The following LRRIQ3 variants were observed in gnomAD, a reference collection of about 807,000 sequenced individuals.
The protein encoded by LRRIQ3 is leucine-rich repeat and IQ domain-containing protein 3.
In LRRIQ3, 75 loss-of-function variants were observed where a neutral mutation model predicts 59.3. The observed-to-expected ratio is 1.26, with a 90% CI of 1.05 to 1.53. The LOEUF is 1.53. LRRIQ3 is among the 40% of genes most tolerant of loss of function. The pLI is 0.00. For synonymous variants in LRRIQ3, 250 were observed against 231.3 expected (o/e 1.08, Z -0.73); for missense variants, 831 against 710.0 (o/e 1.17, Z -1.94).
intron 5 of LRRIQ3, among the ~76,000 whole-genome samples, chr1:74,088,712 C>T (rs532594835): frequency 5.5e-4 from 83 of 151,566 alleles, no homozygotes; most frequent in Non-Finnish European, 9.4e-4. Flanking sequence ...ATACTATAAA[C>T]GCTTAGAAGA....
intron 4 of LRRIQ3, among the ~76,000 whole-genome samples, chr1:74,133,496 A>C (rs547255451): frequency 5.8e-4 from 89 of 152,214 alleles, no homozygotes; most frequent in African/African-American, 2.0e-3. Flanking sequence ...GATTAAGAAA[A>C]TGTGGCACAT....
intron 5 of LRRIQ3, chr1:74,108,855 C>A: frequency 5.5e-6 from 2 of 366,512 alleles, no homozygotes; most frequent in East Asian, 1.0e-4. Flanking sequence ...TCTTAGTTTT[C>A]ATATTGGTCA....
intron 3 of LRRIQ3, among the ~76,000 whole-genome samples, chr1:74,170,068 T>G (rs958647495): frequency 2.0e-5 from 3 of 152,192 alleles, no homozygotes; most frequent in African/African-American, 7.2e-5. Context: ...TTATATAATT[T>G]AGAAATTTAC....
chr1:74,038,469 C>T (rs1653942595), intron 7 of LRRIQ3, among the ~76,000 whole-genome samples: 2 of 152,206 alleles, frequency 1.3e-5, no homozygotes, highest in African/African-American at 4.8e-5. Flanking sequence ...GGTCAAAGTG[C>T]TTCGCTAAAC....
chr1:74,168,898 T>C (rs1035652964), intron 3 of LRRIQ3, among the ~76,000 whole-genome samples: 2 of 152,146 alleles, frequency 1.3e-5, no homozygotes, highest in African/African-American at 4.8e-5. Flanking sequence ...TCTTGTGTCA[T>C]TTTTATTTTC....
intron 6 of LRRIQ3, among the ~76,000 whole-genome samples, chr1:74,045,301 T>C (rs974654816): frequency 2.6e-5 from 4 of 152,162 alleles, no homozygotes; most frequent in African/African-American, 9.7e-5. Context: ...GCAAGCCTTG[T>C]TCAACATATG....
At chr1:74,145,268 G>T (rs1375608591) in intron 4 of LRRIQ3, among the ~76,000 whole-genome samples, 3 of 152,044 alleles carry the variant, frequency 2.0e-5, no homozygotes, top group Non-Finnish European at 4.4e-5. Context: ...ACAACAAAAG[G>T]GTATTCATGA....
chr1:74,137,106 A>C (rs1360982383), intron 4 of LRRIQ3, among the ~76,000 whole-genome samples: 1 of 151,944 alleles, frequency 6.6e-6, no homozygotes, highest in African/African-American at 2.4e-5. Context: ...AATAAAAATC[A>C]TATATACCTA....
At chr1:74,054,566 A>G (rs1481904782) in intron 6 of LRRIQ3, among the ~76,000 whole-genome samples, 3 of 151,960 alleles carry the variant, frequency 2.0e-5, no homozygotes, top group Non-Finnish European at 4.4e-5. Flanking sequence ...AAGTTCATCT[A>G]TTGTAACAAT....
At chr1:74,041,154 C>A in intron 7 of LRRIQ3, 59 bp downstream of exon 7, 1 of 1,329,068 alleles carries the variant, frequency 7.5e-7, no homozygotes, top group Non-Finnish European at 1.0e-6. Context: ...TAAAATTTAG[C>A]ATGCAATATT....
intron 6 of LRRIQ3, among the ~76,000 whole-genome samples, chr1:74,044,423 T>C (rs1047612253): frequency 2.6e-5 from 4 of 152,066 alleles, no homozygotes; most frequent in Non-Finnish European, 5.9e-5. Flanking sequence ...GTCTGGCACC[T>C]CTGTCTTCAT....
chr1:74,030,960 C>A (rs1335846973), intron 7 of LRRIQ3, among the ~76,000 whole-genome samples: 1 of 152,124 alleles, frequency 6.6e-6, no homozygotes, highest in Non-Finnish European at 1.5e-5. Flanking sequence ...AGGATATAAA[C>A]AGACACTTCT....
chr1:74,047,872 TA>T (rs974975247), intron 6 of LRRIQ3, among the ~76,000 whole-genome samples: 2 of 152,042 alleles, frequency 1.3e-5, no homozygotes, highest in East Asian at 3.9e-4. Flanking sequence ...AGAAACTGAT[TA>T]AGGTTAAATT....
rs1165254069 is a variant in LRRIQ3 at position 74,041,441 on chromosome 1, G to T, written c.1490C>A (p.Ala497Asp). ...TAGAAACAGAGCTTTTCTCTCTCTA[G>T]CTTTTTCAAGGTAGTTGAATCTGTT... Reference protein sequence around the residue: ...WQNRFNYLEKARERKALFLKE... With the variant: ...WQNRFNYLEKDRERKALFLKE... Residue 497 changes from alanine to aspartate, a missense_variant, in exon 7 of 8, where the codon GCT becomes GAT. Transcript: ENST00000354431. 6.2e-7 allele frequency: 1 copy of T among 1,613,472 alleles called. No individual in the cohort carries two copies. Among genetic ancestry groups the T allele is most frequent in the Non-Finnish European group, 8.5e-7 (1 of 1,179,826 alleles).
intron 4 of LRRIQ3, among the ~76,000 whole-genome samples, chr1:74,145,222 A>G (rs1647493249): frequency 6.6e-6 from 1 of 152,220 alleles, no homozygotes; most frequent in Middle Eastern, 3.4e-3. Context: ...TTTTCCCTGG[A>G]TTTTTACTTG....
intron 6 of LRRIQ3, among the ~76,000 whole-genome samples, chr1:74,059,792 T>C (rs1207244791): frequency 6.6e-6 from 1 of 152,110 alleles, no homozygotes; most frequent in Non-Finnish European, 1.5e-5. Flanking sequence ...TCAGTAGTAA[T>C]ATCATCTTAA....
At chr1:74,141,992 C>T (rs971454592) in intron 4 of LRRIQ3, among the ~76,000 whole-genome samples, 111 of 145,500 alleles carry the variant, frequency 7.6e-4, no homozygotes, top group African/African-American at 2.9e-3. Context: ...TACACACACA[C>T]ACACACACAC....
At chr1:74,137,302 CAAAA>C (rs1182091706) in intron 4 of LRRIQ3, among the ~76,000 whole-genome samples, 1 of 151,922 alleles carries the variant, frequency 6.6e-6, no homozygotes, top group Admixed American at 6.6e-5. Context: ...AGACACTTCT[CAAAA>C]GAAGACATTT....
chr1:74,195,955 C>A (rs1281498212), intron 1 of LRRIQ3, among the ~76,000 whole-genome samples: 1 of 151,898 alleles, frequency 6.6e-6, no homozygotes, highest in East Asian at 1.9e-4. Context: ...CTCCAACAAT[C>A]AACTGCCACG....
Sources: allele counts gnomAD v4.1 joint callset (sites outside exome capture counted in the v4.1 genomes callset), GRCh38; gene constraint gnomAD v4.1.1; transcripts MANE v1.5; gene names NCBI Gene and HGNC (gene_info 2026-07-23, HGNC 2026-07-21).